The following CNOT2 variants were observed in gnomAD, a reference collection of about 807,000 sequenced individuals.
The protein encoded by CNOT2 is CCR4-NOT transcription complex subunit 2.
CNOT2 carries 7 observed loss-of-function variants against 72.1 expected under a neutral mutation model. That is an observed-to-expected ratio of 0.10 (90% CI 0.06 to 0.18). The LOEUF is 0.18. Ranked by LOEUF, CNOT2 falls within the 10% of genes least tolerant of loss-of-function variation. The pLI is 1.00. For missense variants in CNOT2, 345 were observed against 660.3 expected (o/e 0.52, Z 5.23); for synonymous variants, 196 against 225.6 (o/e 0.87, Z 1.17).
chr12:70,269,834 T>C (rs979708941), intron 1 of CNOT2, among the ~76,000 whole-genome samples: 1 of 152,214 alleles, frequency 6.6e-6, no homozygotes, highest in Non-Finnish European at 1.5e-5. Context: ...TGAAGATTTA[T>C]AGAACCTGGT....
intron 1 of CNOT2, among the ~76,000 whole-genome samples, chr12:70,247,034 G>T (rs1248832641): frequency 6.6e-6 from 1 of 152,084 alleles, no homozygotes; most frequent in African/African-American, 2.4e-5. Flanking sequence ...AGGAAAAAAT[G>T]GGAAATTTTT....
rs113872160 is a variant in CNOT2 at position 70,309,607 on chromosome 12, A to C, written c.49-1288A>C. 4.8e-3 allele frequency among the ~76,000 whole-genome samples: 724 copies of C among 152,230 alleles called. 6 individuals carry two copies. Among genetic ancestry groups the C allele is most frequent in the African/African-American group, 0.016 (650 of 41,570 alleles). ...AAATTGTTCACTCATTTATAATGGA[A>C]GGAAATATTCTTAGTCATAATGAAT... is the stretch of plus-strand genomic sequence containing the variant. On this transcript the variant is annotated intron_variant, in intron 2 of 15. Transcript: ENST00000229195.
intron 3 of CNOT2, 149 bp from the exon 4 acceptor site, chr12:70,319,149 A>G (rs1877866375): frequency 7.2e-6 from 4 of 552,622 alleles, no homozygotes; most frequent in Non-Finnish European, 1.2e-5. Flanking sequence ...AACATGGAAT[A>G]TATTATAGAA....
chr12:70,289,365 A>G (rs945268990), intron 2 of CNOT2, among the ~76,000 whole-genome samples: 4 of 152,010 alleles, frequency 2.6e-5, no homozygotes, highest in Non-Finnish European at 5.9e-5. Flanking sequence ...CTCTCTGGCT[A>G]ATATTAAGAT....
rs1957664197 is a variant in CNOT2, at chr12:70,243,436, G to T, written c.-140G>T. 1 of 152,558 alleles carries T rather than the reference G, an allele frequency of 6.6e-6. No homozygotes were observed. The highest frequency in any genetic ancestry group is 2.4e-5 in the African/African-American group (1 of 41,446). The allele number at this position is 152,558 out of a possible 1,614,324, so 9.5% of individuals were successfully genotyped here. A position where few individuals can be genotyped will look rare whatever the true frequency, so the allele number is the denominator to read the frequency against. On this transcript the variant is annotated 5_prime_UTR_variant, in exon 1 of 16. Coordinates refer to ENST00000229195, the MANE Select transcript of CNOT2 (RefSeq NM_014515.7). ...TCTTGCTCCCAGCAGCCTCCGCGGT[G>T]GATACGTCGCCATCTTGGATCCGCG... is the stretch of plus-strand genomic sequence containing the variant.
chr12:70,259,878 A>G (rs1958666152), intron 1 of CNOT2, among the ~76,000 whole-genome samples: 2 of 152,238 alleles, frequency 1.3e-5, no homozygotes, highest in South Asian at 4.1e-4. Context: ...AAGAGATAAT[A>G]GTGAAAAATG....
intron 1 of CNOT2, among the ~76,000 whole-genome samples, chr12:70,252,108 CAA>C (rs1044788285): frequency 6.6e-6 from 1 of 152,256 alleles, no homozygotes; most frequent in African/African-American, 2.4e-5. Flanking sequence ...CATGCAGAAA[CAA>C]ATCCTAAATT....
intron 1 of CNOT2, among the ~76,000 whole-genome samples, chr12:70,269,708 T>TTACC (rs1232600289): frequency 6.6e-6 from 1 of 152,186 alleles, no homozygotes; most frequent in Non-Finnish European, 1.5e-5. Flanking sequence ...CTGTGGCTTG[T>TTACC]TACCTACATT....
intron 15 of CNOT2, among the ~76,000 whole-genome samples, chr12:70,348,692 G>A (rs1001496066): frequency 3.3e-5 from 5 of 152,056 alleles, no homozygotes; most frequent in Admixed American, 3.3e-4. Context: ...GAGAAAATCA[G>A]CTTTCCAGAA....
intron 3 of CNOT2, among the ~76,000 whole-genome samples, chr12:70,315,945 C>T (rs1010388146): frequency 2.6e-5 from 4 of 152,072 alleles, no homozygotes; most frequent in African/African-American, 9.7e-5. Context: ...GTCTGAATGC[C>T]CCCTCTCACT....
rs1346656473 is a variant in CNOT2 at position 70,338,691 on chromosome 12, G to C, written c.1047G>C (p.Gly349=). ...GTCGGGTTACTAACATTCCTCAAGG[G>C]ATGGTGACGGACCAATTTGGAATGA... ...PDGRVTNIPQ[G]MVTDQFGMIG... The change falls in exon 11 of 16, where the codon GGG becomes GGC. Residue 349 remains glycine, a synonymous_variant. Coordinates refer to ENST00000229195, the MANE Select transcript of CNOT2 (RefSeq NM_014515.7). The C allele has an allele frequency of 6.2e-7, 1 of 1,613,340 alleles. No individual in the cohort carries two copies. The highest frequency in any genetic ancestry group is 2.2e-5 in the East Asian group (1 of 44,832).
At chr12:70,281,489 G>A (rs2135817784) in intron 2 of CNOT2, among the ~76,000 whole-genome samples, 1 of 152,166 alleles carries the variant, frequency 6.6e-6, no homozygotes. Flanking sequence ...TATATCTCCT[G>A]TTACTTTTTG....
intron 2 of CNOT2, among the ~76,000 whole-genome samples, chr12:70,295,517 T>G (rs778274811): frequency 6.6e-6 from 1 of 152,204 alleles, no homozygotes; most frequent in African/African-American, 2.4e-5. Context: ...ATTTAAAATA[T>G]TCTCATTAGA....
intron 3 of CNOT2, among the ~76,000 whole-genome samples, chr12:70,316,852 T>C (rs1282164600): frequency 2.6e-5 from 4 of 152,182 alleles, no homozygotes; most frequent in Non-Finnish European, 5.9e-5. Context: ...TACCCAGGCA[T>C]ATCTGTAACT....
At chr12:70,313,758 C>T (rs1214614063) in intron 3 of CNOT2, among the ~76,000 whole-genome samples, 3 of 152,070 alleles carry the variant, frequency 2.0e-5, no homozygotes, top group Non-Finnish European at 4.4e-5. Flanking sequence ...TTTCTTAGTT[C>T]ATGTATCTTA....
intron 1 of CNOT2, among the ~76,000 whole-genome samples, chr12:70,271,939 A>G (rs1345148372): frequency 6.6e-6 from 1 of 152,248 alleles, no homozygotes; most frequent in East Asian, 1.9e-4. Context: ...GTGAAAAGTT[A>G]ATTACTAATC....
intron 1 of CNOT2, among the ~76,000 whole-genome samples, chr12:70,249,455 A>C (rs1365924459): frequency 6.6e-6 from 1 of 151,918 alleles, no homozygotes; most frequent in East Asian, 1.9e-4. Flanking sequence ...GTCAATAAGA[A>C]AATTAGAAGT....
At chr12:70,292,315 T>C (rs547608633) in intron 2 of CNOT2, among the ~76,000 whole-genome samples, 1 of 152,238 alleles carries the variant, frequency 6.6e-6, no homozygotes, top group South Asian at 2.1e-4. Flanking sequence ...GTGTATGATA[T>C]AACATCAATA....
At chr12:70,346,119 A>G (rs1041394342) in intron 14 of CNOT2, 61 bp from the exon 15 acceptor site, 30 of 1,113,150 alleles carry the variant, frequency 2.7e-5, no homozygotes, top group Non-Finnish European at 3.7e-5. Context: ...TACAAAATGT[A>G]GAACATGTTT....
Sources: gnomAD v4.1 joint callset for allele counts (sites outside exome capture counted in the v4.1 genomes callset) on GRCh38, gnomAD v4.1.1 for gene constraint, MANE v1.5 for transcripts, NCBI Gene and HGNC (gene_info 2026-07-23, HGNC 2026-07-21) for gene names.